ULK4: variants seen among roughly 807,000 people sequenced by gnomAD.
ULK4 encodes the protein unc-51 like kinase 4.
A neutral mutation model predicts 160.6 loss-of-function variants in ULK4; 133 were observed. The ratio of observed to expected loss-of-function variants is 0.83; its 90% CI spans 0.72 to 0.96. ULK4 has a LOEUF of 0.96. Ranked by LOEUF, ULK4 falls within the 40% of genes least tolerant of loss-of-function variation. The pLI is 0.00. For missense variants in ULK4, 1,580 were observed against 1,499.5 expected (o/e 1.05, Z -0.89); for synonymous variants, 534 against 539.8 (o/e 0.99, Z 0.15).
At chr3:41,951,052 G>C (rs1377463634) in intron 2 of ULK4, among the ~76,000 whole-genome samples, 2 of 146,590 alleles carry the variant, frequency 1.4e-5, no homozygotes, top group African/African-American at 5.0e-5. Flanking sequence ...GCTGAGGCAG[G>C]AGAATGGCGT....
intron 35 of ULK4, among the ~76,000 whole-genome samples, chr3:41,252,280 A>G (rs2078756764): frequency 6.6e-6 from 1 of 152,234 alleles, no homozygotes; most frequent in Admixed American, 6.5e-5. Flanking sequence ...GCTGACATGA[A>G]AAAAGACAAT....
At chr3:41,819,564 C>A (rs2041078422) in intron 18 of ULK4, 58 bp from the exon 19 acceptor site, 2 of 1,503,522 alleles carry the variant, frequency 1.3e-6, no homozygotes, top group Non-Finnish European at 9.1e-7. Flanking sequence ...AGATATTAAC[C>A]CATTCAAGCA....
chr3:41,356,089 G>T (rs1428052979), intron 35 of ULK4, among the ~76,000 whole-genome samples: 1 of 152,048 alleles, frequency 6.6e-6, no homozygotes, highest in Non-Finnish European at 1.5e-5. Context: ...ATGAAAATAG[G>T]TCATAGCCCT....
chr3:41,583,263 ATGC>A (rs1416406571), intron 31 of ULK4, among the ~76,000 whole-genome samples: 1 of 152,202 alleles, frequency 6.6e-6, no homozygotes, highest in East Asian at 1.9e-4. Context: ...TCCATTAAAC[ATGC>A]TCTTAGCTCC....
rs545407709 is a variant in ULK4 at position 41,803,991 on chromosome 3, G to C, written c.1849-3698C>G. 7.9e-5 allele frequency among the ~76,000 whole-genome samples: 12 copies of C among 152,194 alleles called. No homozygotes were observed. In the South Asian group the frequency reaches 1.0e-3, roughly 13 times the overall value. On this transcript the variant is annotated intron_variant, in intron 19 of 36. Coordinates refer to ENST00000301831, the MANE Select transcript of ULK4 (RefSeq NM_017886.4). ...AGCAGCATGATTTATAGTCCTTTGGGTATATACCCAGTAATGGGATGGCTG... is the reference window on the plus strand; with the variant it reads ...AGCAGCATGATTTATAGTCCTTTGGCTATATACCCAGTAATGGGATGGCTG...
chr3:41,858,147 G>GTTTTTTTTTT (rs71288052), intron 17 of ULK4, among the ~76,000 whole-genome samples: 8 of 92,132 alleles, frequency 8.7e-5, no homozygotes, highest in South Asian at 8.5e-4. Flanking sequence ...TTTTTTGTTT[G>GTTTTTTTTTT]TTTTTTTTTT....
intron 5 of ULK4, among the ~76,000 whole-genome samples, chr3:41,927,533 A>G (rs1699428614): frequency 6.6e-6 from 1 of 152,188 alleles, no homozygotes; most frequent in Admixed American, 6.5e-5. Flanking sequence ...GAATGCCCCA[A>G]TTAAAAAGAC....
At chr3:41,802,312 T>C (rs2040486376) in intron 19 of ULK4, among the ~76,000 whole-genome samples, 1 of 152,228 alleles carries the variant, frequency 6.6e-6, no homozygotes, top group East Asian at 1.9e-4. Context: ...CTGTTTTTCT[T>C]TTTGAGACAC....
At chr3:41,844,124 G>T (rs1016443717) in intron 17 of ULK4, among the ~76,000 whole-genome samples, 21 of 152,332 alleles carry the variant, frequency 1.4e-4, no homozygotes, top group Non-Finnish European at 2.6e-4. Context: ...ATCCCCCACC[G>T]GGGCCGCAGG....
At chr3:41,924,829 G>A (rs1699320256) in intron 5 of ULK4, among the ~76,000 whole-genome samples, 1 of 152,036 alleles carries the variant, frequency 6.6e-6, no homozygotes, top group Non-Finnish European at 1.5e-5. Context: ...TGGGCCACAT[G>A]ACTACCAAGT....
At chr3:41,414,381 T>C (rs2125830229) in intron 34 of ULK4, among the ~76,000 whole-genome samples, 1 of 152,330 alleles carries the variant, frequency 6.6e-6, no homozygotes, top group East Asian at 1.9e-4. Context: ...AAACTTACAT[T>C]TGAATTTTAA....
chr3:41,545,455 C>A (rs1464632767), intron 32 of ULK4, among the ~76,000 whole-genome samples: 5 of 152,146 alleles, frequency 3.3e-5, no homozygotes, highest in Non-Finnish European at 7.4e-5. Context: ...AGATGCTTTT[C>A]TGCTTCTCTG....
In ULK4 at chr3:41,872,133, C is replaced by T. The variant is rs1361169265; in HGVS notation, c.1656+11741G>A. On this transcript the variant is annotated intron_variant, in intron 17 of 36. Coordinates refer to ENST00000301831, the MANE Select transcript of ULK4 (RefSeq NM_017886.4). ...TATAGCCCTTAGTCCCGGTACAGGACGCTCAGTCCTAAGGTGTGGCATGGC... is the reference window on the plus strand; with the variant it reads ...TATAGCCCTTAGTCCCGGTACAGGATGCTCAGTCCTAAGGTGTGGCATGGC... Among the ~76,000 whole-genome samples, 3 of 152,114 alleles carry T rather than the reference C, an allele frequency of 2.0e-5. No individual in the cohort carries two copies. The East Asian group carries it at 5.8e-4, about 29-fold the overall frequency.
intron 27 of ULK4, among the ~76,000 whole-genome samples, chr3:41,703,597 AG>A (rs2036757088): frequency 6.6e-6 from 1 of 152,174 alleles, no homozygotes; most frequent in Non-Finnish European, 1.5e-5. Context: ...CCAAAAAGTT[AG>A]AAAAGGAATA....
intron 27 of ULK4, among the ~76,000 whole-genome samples, chr3:41,699,916 G>C (rs975128721): frequency 6.6e-6 from 1 of 152,162 alleles, no homozygotes; most frequent in African/African-American, 2.4e-5. Context: ...CATATGATTA[G>C]AAAATTAATT....
intron 8 of ULK4, among the ~76,000 whole-genome samples, chr3:41,914,314 T>C (rs1698896452): frequency 4.8e-5 from 1 of 21,004 alleles, no homozygotes; most frequent in Admixed American, 9.3e-4. Context: ...ATAATATTCC[T>C]TTACACAAAG....
At chr3:41,540,540 T>C (rs184118932) in intron 32 of ULK4, among the ~76,000 whole-genome samples, 5 of 152,344 alleles carry the variant, frequency 3.3e-5, no homozygotes, top group Admixed American at 2.6e-4. Flanking sequence ...TATAATCCTT[T>C]GGGTATATAC....
chr3:41,662,926 A>T (rs6772190), intron 30 of ULK4, among the ~76,000 whole-genome samples: 7,702 of 152,072 alleles, frequency 0.051, 529 homozygotes, highest in African/African-American at 0.16. Flanking sequence ...AAAATAAAAA[A>T]AAAAAGTATG....
chr3:41,640,487 G>A (rs1184884631), intron 30 of ULK4, among the ~76,000 whole-genome samples: 1 of 152,144 alleles, frequency 6.6e-6, no homozygotes, highest in Non-Finnish European at 1.5e-5. Context: ...AGTGTCCCAG[G>A]AAGCCTAAGG....
Sources: gnomAD v4.1 joint callset for allele counts (sites outside exome capture counted in the v4.1 genomes callset) on GRCh38, gnomAD v4.1.1 for gene constraint, MANE v1.5 for transcripts, NCBI Gene and HGNC (gene_info 2026-07-23, HGNC 2026-07-21) for gene names.